TXNRD2: variants seen among roughly 807,000 people sequenced by gnomAD.
The protein encoded by TXNRD2 is thioredoxin reductase 2, mitochondrial.
A neutral mutation model predicts 70.8 loss-of-function variants in TXNRD2; 67 were observed. The ratio of observed to expected loss-of-function variants is 0.95; its 90% CI spans 0.78 to 1.16. The LOEUF is 1.16. Ranked by LOEUF, TXNRD2 falls within the 50% of genes most tolerant of loss-of-function variation. The pLI, the probability that TXNRD2 is intolerant of heterozygous loss-of-function variation, is 0.00. For missense variants in TXNRD2, 644 were observed against 719.9 expected (o/e 0.89, Z 1.21); for synonymous variants, 301 against 295.8 (o/e 1.02, Z -0.18).
chr22:19,928,832 C>A (rs1166105136), intron 2 of TXNRD2, among the ~76,000 whole-genome samples: 1 of 151,738 alleles, frequency 6.6e-6, no homozygotes, highest in Non-Finnish European at 1.5e-5. Flanking sequence ...CATGGTGAAA[C>A]CCCGTCTCTA....
chr22:19,932,299 C>A, intron 1 of TXNRD2: 1 of 1,611,836 alleles, frequency 6.2e-7, no homozygotes, highest in Non-Finnish European at 8.5e-7. Context: ...GGGAGAGCTG[C>A]CTGGGCTCAG....
At chr22:19,930,940 T>C (rs993183632) in intron 2 of TXNRD2, 90 bp downstream of exon 2, 2 of 1,219,116 alleles carry the variant, frequency 1.6e-6, no homozygotes, top group Non-Finnish European at 2.4e-6. Flanking sequence ...GGCAACGCAT[T>C]TTGCTCATGG....
intron 1 of TXNRD2, chr22:19,938,153 T>A (rs1184700309): frequency 6.6e-6 from 1 of 152,182 alleles, no homozygotes; most frequent in African/African-American, 2.4e-5. Flanking sequence ...TACCTCAAGG[T>A]TCGGTGGGCC....
chr22:19,882,783 GAGCC>G (rs1311197778), intron 12 of TXNRD2, among the ~76,000 whole-genome samples: 1 of 152,220 alleles, frequency 6.6e-6, no homozygotes, highest in Non-Finnish European at 1.5e-5. Flanking sequence ...GAGGGCTCCA[GAGCC>G]CCCACCCAGG....
chr22:19,931,568 A>G (rs1200861862), intron 1 of TXNRD2, among the ~76,000 whole-genome samples: 2 of 152,104 alleles, frequency 1.3e-5, no homozygotes, highest in Non-Finnish European at 2.9e-5. Context: ...CAGTGGCACA[A>G]TCACAGCTCA....
intron 9 of TXNRD2, 58 bp from the exon 10 acceptor site, chr22:19,898,188 C>T (rs919252191): frequency 2.0e-6 from 3 of 1,474,226 alleles, no homozygotes; most frequent in African/African-American, 1.4e-5. Context: ...GATGGGACAA[C>T]ACCCCAGGGC....
intron 2 of TXNRD2, among the ~76,000 whole-genome samples, chr22:19,930,665 T>G (rs1601479903): frequency 6.6e-6 from 1 of 150,766 alleles, no homozygotes. Context: ...GCAGGCAGGG[T>G]GACAGCCACA....
chr22:19,894,459 A>G (rs878881384), intron 11 of TXNRD2: 1 of 152,792 alleles, frequency 6.5e-6, no homozygotes, highest in African/African-American at 2.4e-5. Context: ...TATCATTTTT[A>G]TGTTAAAAAC....
intron 15 of TXNRD2, 79 bp downstream of exon 15, chr22:19,878,287 G>T: frequency 6.3e-7 from 1 of 1,595,088 alleles, no homozygotes; most frequent in Non-Finnish European, 8.6e-7. Flanking sequence ...GGTGGGGCCA[G>T]TCCTCGGGTG....
chr22:19,883,518 G>A lies in TXNRD2; in HGVS notation c.950-57C>T, dbSNP rs139519474. ...ATCTTCAGTGGCTTTGACCTAGAGC[G>A]GTTGTGTTTAAACTGTTTCTCAGAA... On this transcript the variant is annotated intron_variant, in intron 11 of 17. Transcript: ENST00000400521. 1.1e-3 allele frequency: 1,707 copies of A among 1,611,332 alleles called. 15 individuals carry two copies. In the African/African-American group the frequency reaches 0.016, roughly 15 times the overall value.
At chr22:19,883,216 A>C in intron 12 of TXNRD2, 109 bp downstream of exon 12, 1 of 1,424,076 alleles carries the variant, frequency 7.0e-7, no homozygotes, top group Non-Finnish European at 9.6e-7. Flanking sequence ...CTCTGTCATC[A>C]GAGAAAGTGT....
intron 17 of TXNRD2, chr22:19,876,624 G>A (rs1280037344): frequency 6.5e-6 from 1 of 153,556 alleles, no homozygotes. Flanking sequence ...AGCGGGCGCT[G>A]AACTCTGCAG....
chr22:19,877,279 G>C lies in TXNRD2; in HGVS notation c.1446-45C>G, dbSNP rs540367420. On this transcript the variant is annotated intron_variant, in intron 16 of 17. Transcript: ENST00000400521. ...GAGGCAGGCGGGGTCAGCACAGGGA[G>C]GGGGGTCCACAGCATCCCACCCCCG... 22 of 1,549,090 alleles carry C rather than the reference G, an allele frequency of 1.4e-5. No homozygotes were observed. In the African/African-American group the frequency reaches 2.6e-4, roughly 18 times the overall value.
intron 8 of TXNRD2, among the ~76,000 whole-genome samples, chr22:19,909,577 A>ATTCACACACACAC (rs71186635): frequency 0.11 from 4,189 of 38,594 alleles, 288 homozygotes; most frequent in African/African-American, 0.25. Flanking sequence ...TACACACACC[A>ATTCACACACACAC]CACACACACA....
At chr22:19,917,646 A>C (rs1940697067) in intron 5 of TXNRD2, among the ~76,000 whole-genome samples, 1 of 152,162 alleles carries the variant, frequency 6.6e-6, no homozygotes, top group Admixed American at 6.5e-5. Context: ...TCTGTGCTGG[A>C]GATCCCCAGG....
chr22:19,901,913 C>G (rs543289854), intron 8 of TXNRD2, among the ~76,000 whole-genome samples: 1 of 152,284 alleles, frequency 6.6e-6, no homozygotes, highest in South Asian at 2.1e-4. Context: ...TTAAAAGACC[C>G]AGAGGTTGGG....
At chr22:19,907,017 C>T (rs1183351902) in intron 8 of TXNRD2, among the ~76,000 whole-genome samples, 1 of 47,626 alleles carries the variant, frequency 2.1e-5, no homozygotes, top group Non-Finnish European at 4.0e-5. Context: ...AGAGTGTGGG[C>T]GCACCGTAAG....
intron 1 of TXNRD2, 24 bp downstream of exon 1, chr22:19,941,677 G>T (rs900617489): frequency 6.9e-7 from 1 of 1,458,198 alleles, no homozygotes; most frequent in Non-Finnish European, 9.0e-7. Flanking sequence ...CACCTACCGC[G>T]GGGACGCCCC....
At chr22:19,893,573 C>T (rs984566320) in intron 11 of TXNRD2, among the ~76,000 whole-genome samples, 3 of 152,304 alleles carry the variant, frequency 2.0e-5, no homozygotes, top group Non-Finnish European at 2.9e-5. Flanking sequence ...TTGCCAGTCC[C>T]GTCAGACAGC....
Sources: gnomAD v4.1 joint callset for allele counts (sites outside exome capture counted in the v4.1 genomes callset) on GRCh38, gnomAD v4.1.1 for gene constraint, MANE v1.5 for transcripts, NCBI Gene and HGNC (gene_info 2026-07-23, HGNC 2026-07-21) for gene names.